Variants in SEMA5A observed in about 807,000 individuals in gnomAD.
SEMA5A encodes semaphorin 5A, also known as semaphorin-5A.
SEMA5A carries 55 observed loss-of-function variants against 135.5 expected under a neutral mutation model. That is an observed-to-expected ratio of 0.41 (90% CI 0.33 to 0.51). The LOEUF (loss-of-function observed/expected upper bound fraction) is 0.51. Among genes scored for constraint, SEMA5A ranks in the 20% least tolerant of loss-of-function variants. The probability of loss-of-function intolerance (pLI) is 0.37; values close to 1 mark genes in which losing one functional copy is unlikely to be tolerated. For missense variants in SEMA5A, 1,290 were observed against 1,419.9 expected (o/e 0.91, Z 1.47); for synonymous variants, 580 against 546.5 (o/e 1.06, Z -0.85).
At chr5:9,189,582 G>T (rs1744990128) in intron 11 of SEMA5A, among the ~76,000 whole-genome samples, 1 of 152,136 alleles carries the variant, frequency 6.6e-6, no homozygotes, top group African/African-American at 2.4e-5. Flanking sequence ...CCATGAGATG[G>T]CTCTGTATGG....
chr5:9,452,704 T>A (rs1317321515), intron 1 of SEMA5A, among the ~76,000 whole-genome samples: 2 of 152,134 alleles, frequency 1.3e-5, no homozygotes, highest in African/African-American at 2.4e-5. Flanking sequence ...GAGATGCAGG[T>A]CTAAATTATA....
intron 13 of SEMA5A, among the ~76,000 whole-genome samples, chr5:9,127,380 G>T (rs1440303521): frequency 6.6e-6 from 1 of 152,150 alleles, no homozygotes; most frequent in South Asian, 2.1e-4. Context: ...TTGTGTAAGA[G>T]CATGTACTTA....
chr5:9,353,985 AAAAG>A (rs1239116543), intron 3 of SEMA5A, among the ~76,000 whole-genome samples: 1 of 151,838 alleles, frequency 6.6e-6, no homozygotes, highest in African/African-American at 2.4e-5. Context: ...AAAAAAAAAA[AAAAG>A]AAACAAAAGC....
intron 1 of SEMA5A, among the ~76,000 whole-genome samples, chr5:9,493,282 C>CATCT (rs55635610): frequency 4.7e-5 from 7 of 149,428 alleles, no homozygotes; most frequent in African/African-American, 1.5e-4. Flanking sequence ...TATGTAGCAG[C>CATCT]ATCTATCTAT....
At chr5:9,217,738 G>A (rs1746714389) in intron 8 of SEMA5A, among the ~76,000 whole-genome samples, 1 of 152,092 alleles carries the variant, frequency 6.6e-6, no homozygotes, top group Non-Finnish European at 1.5e-5. Context: ...CACAGAACCA[G>A]TCTTCAAGCT....
Position 9,455,183 on chromosome 5 carries a change from C to T in SEMA5A, c.-174-17331G>A, listed in dbSNP as rs1184354841. On this transcript the variant is annotated intron_variant, in intron 1 of 22. Coordinates refer to ENST00000382496, the MANE Select transcript of SEMA5A (RefSeq NM_003966.3). ...TGAAGCTGAGTGAACTGCAGACTAACGGCACCTCTGTCTGAGTTTCCTGCT... is the reference window on the plus strand; with the variant it reads ...TGAAGCTGAGTGAACTGCAGACTAATGGCACCTCTGTCTGAGTTTCCTGCT... Among the ~76,000 whole-genome samples the T allele has an allele frequency of 4.6e-5, 7 of 152,122 alleles. No individual in the cohort carries two copies. In the South Asian group the frequency reaches 6.2e-4, roughly 14 times the overall value.
intron 3 of SEMA5A, among the ~76,000 whole-genome samples, chr5:9,353,354 G>GGAAAGGAAAGGAAAGGAAAGGA (rs1754288041): frequency 1.5e-4 from 8 of 54,364 alleles, no homozygotes; most frequent in Non-Finnish European, 2.9e-4. Flanking sequence ...AAAGGAAAGG[G>GGAAAGGAAAGGAAAGGAAAGGA]AAGGAAAGGA....
At chr5:9,160,268 C>T (rs2256569) in intron 11 of SEMA5A, among the ~76,000 whole-genome samples, 78,714 of 151,952 alleles carry the variant, frequency 0.52, 23,724 homozygotes, top group Middle Eastern at 0.72. Flanking sequence ...AGCAGAGGCA[C>T]ATCTGTGTCA....
intron 11 of SEMA5A, among the ~76,000 whole-genome samples, chr5:9,175,698 T>C (rs1392946656): frequency 1.3e-5 from 2 of 152,194 alleles, no homozygotes; most frequent in Non-Finnish European, 2.9e-5. Flanking sequence ...TCTGGATAAC[T>C]AGATGTAGAG....
chr5:9,482,731 G>C (rs62341318), intron 1 of SEMA5A, among the ~76,000 whole-genome samples: 63,053 of 152,104 alleles, frequency 0.41, 13,577 homozygotes, highest in Non-Finnish European at 0.46. Flanking sequence ...CACAAGGTAG[G>C]AGGAACAGCT....
At chr5:9,409,793 C>A (rs1331408903) in intron 2 of SEMA5A, among the ~76,000 whole-genome samples, 1 of 149,572 alleles carries the variant, frequency 6.7e-6, no homozygotes, top group Non-Finnish European at 1.5e-5. Flanking sequence ...CCGCGGGGTG[C>A]TTTCTGGTGA....
rs192151507 is a variant in SEMA5A at position 9,120,778 on chromosome 5, G to C, written c.1782-1637C>G. Among the ~76,000 whole-genome samples the C allele has an allele frequency of 4.9e-4, 67 of 136,514 alleles. 2 individuals carry two copies. Among genetic ancestry groups the C allele is most frequent in the Admixed American group, 4.1e-3 (54 of 13,016 alleles). 89.6% of individuals were successfully genotyped at this position (136,514 alleles called of 152,430 possible). On this transcript the variant is annotated intron_variant, in intron 14 of 22. Coordinates refer to ENST00000382496, the MANE Select transcript of SEMA5A (RefSeq NM_003966.3). ...ATTTTTTAAATCTTTTAGCAAATGT[G>C]GATTGATTTTTTTTTTTTTGAGACA...
intron 9 of SEMA5A, among the ~76,000 whole-genome samples, chr5:9,199,526 A>G (rs575195553): frequency 6.6e-6 from 1 of 152,336 alleles, no homozygotes; most frequent in East Asian, 1.9e-4. Flanking sequence ...GGTCTAGAAC[A>G]TGACCTTGAG....
At chr5:9,493,090 T>C (rs2126803939) in intron 1 of SEMA5A, among the ~76,000 whole-genome samples, 1 of 152,182 alleles carries the variant, frequency 6.6e-6, no homozygotes, top group East Asian at 1.9e-4. Context: ...ATGTCAACAA[T>C]GGAGGAGGCT....
chr5:9,281,205 G>A (rs138949178), intron 5 of SEMA5A, among the ~76,000 whole-genome samples: 33 of 152,218 alleles, frequency 2.2e-4, no homozygotes, highest in African/African-American at 7.7e-4. Flanking sequence ...ACTTCTATAG[G>A]AATAAAATTT....
chr5:9,510,150 C>T (rs1736127160), intron 1 of SEMA5A, among the ~76,000 whole-genome samples: 1 of 152,152 alleles, frequency 6.6e-6, no homozygotes, highest in Admixed American at 6.5e-5. Context: ...ATTTTAACTC[C>T]CGTGGCATCT....
At chr5:9,332,294 G>C (rs897574185) in intron 4 of SEMA5A, among the ~76,000 whole-genome samples, 5 of 151,482 alleles carry the variant, frequency 3.3e-5, no homozygotes, top group Admixed American at 2.6e-4. Context: ...TGCAACTATG[G>C]GCTGCTACTC....
chr5:9,483,287 C>T (rs2126783556), intron 1 of SEMA5A, among the ~76,000 whole-genome samples: 1 of 152,236 alleles, frequency 6.6e-6, no homozygotes, highest in East Asian at 1.9e-4. Flanking sequence ...CTTCTTTCCC[C>T]TTACCCCCTC....
intron 19 of SEMA5A, among the ~76,000 whole-genome samples, chr5:9,053,053 C>T (rs1736678378): frequency 6.6e-6 from 1 of 152,176 alleles, no homozygotes; most frequent in African/African-American, 2.4e-5. Flanking sequence ...TTTCAATATA[C>T]ATAGAACCTT....
Sources: gnomAD v4.1 joint callset for allele counts (sites outside exome capture counted in the v4.1 genomes callset) on GRCh38, gnomAD v4.1.1 for gene constraint, MANE v1.5 for transcripts, NCBI Gene and HGNC (gene_info 2026-07-23, HGNC 2026-07-21) for gene names.